The following CTNNA2 variants were observed in gnomAD, a reference collection of about 807,000 sequenced individuals.
CTNNA2 encodes the protein catenin alpha 2.
In CTNNA2, 42 loss-of-function variants were observed where a neutral mutation model predicts 101.0. The ratio of observed to expected loss-of-function variants is 0.42; its 90% CI spans 0.32 to 0.54. The LOEUF (loss-of-function observed/expected upper bound fraction) is 0.54. Among genes scored for constraint, CTNNA2 ranks in the 20% least tolerant of loss-of-function variants. CTNNA2 has a pLI of 0.14. For missense variants in CTNNA2, 871 were observed against 1,223.1 expected (o/e 0.71, Z 4.29); for synonymous variants, 450 against 456.4 (o/e 0.99, Z 0.18).
chr2:80,214,439 C>G (rs1708118026), intron 7 of CTNNA2, among the ~76,000 whole-genome samples: 1 of 152,150 alleles, frequency 6.6e-6, no homozygotes, highest in Non-Finnish European at 1.5e-5. Context: ...ATTTGCTTGT[C>G]TGTAAAGGAT....
chr2:80,169,547 C>T (rs1371869206), intron 7 of CTNNA2, among the ~76,000 whole-genome samples: 1 of 152,150 alleles, frequency 6.6e-6, no homozygotes, highest in African/African-American at 2.4e-5. Flanking sequence ...TTGCTGAGCT[C>T]TGGAAATGTC....
At chr2:79,850,751 A>G (rs1680640205) in intron 3 of CTNNA2, among the ~76,000 whole-genome samples, 1 of 152,202 alleles carries the variant, frequency 6.6e-6, no homozygotes, top group South Asian at 2.1e-4. Context: ...GGTGACAATG[A>G]GAACACTTCC....
chr2:80,431,338 T>C (rs1161883049), intron 9 of CTNNA2, among the ~76,000 whole-genome samples: 1 of 152,190 alleles, frequency 6.6e-6, no homozygotes, highest in Non-Finnish European at 1.5e-5. Flanking sequence ...GTTTCTTTGA[T>C]GTGTAATGAT....
chr2:79,470,539 T>G (rs1294710940), intron 4 of CTNNA2, among the ~76,000 whole-genome samples: 1 of 152,302 alleles, frequency 6.6e-6, no homozygotes, highest in Non-Finnish European at 1.5e-5. Context: ...ATGAGAGACT[T>G]CACTTTAGGA....
At chr2:79,491,252 A>C (rs1413301794) in intron 4 of CTNNA2, among the ~76,000 whole-genome samples, 1 of 152,160 alleles carries the variant, frequency 6.6e-6, no homozygotes, top group Non-Finnish European at 1.5e-5. Context: ...GCCCATCACA[A>C]AATGACTAAA....
At chr2:79,226,102 CAT>C (rs1674405646) in intron 2 of CTNNA2, among the ~76,000 whole-genome samples, 1 of 152,170 alleles carries the variant, frequency 6.6e-6, no homozygotes, top group African/African-American at 2.4e-5. Flanking sequence ...GCTCTCTACA[CAT>C]GTGGAGCCAG....
At chr2:79,763,126 C>T (rs114420893) in intron 3 of CTNNA2, among the ~76,000 whole-genome samples, 3,258 of 152,098 alleles carry the variant, frequency 0.021, 92 homozygotes, top group African/African-American at 0.073. Context: ...TTTGGCTCTC[C>T]CCTTTTATCT....
In CTNNA2 at chr2:80,424,048, C is replaced by T. The variant is rs191165096; in HGVS notation, c.1290+4447C>T. On this transcript the variant is annotated intron_variant, in intron 9 of 18. Transcript: ENST00000402739. ...TCTGCTCACTGCAACCTCCACCTCC[C>T]GGGTTCCAGCAATTCTCCTGCCTCA... 2.6e-4 allele frequency among the ~76,000 whole-genome samples: 39 copies of T among 152,196 alleles called. 1 individual carries two copies. In the East Asian group the frequency reaches 6.4e-3, roughly 25 times the overall value.
rs145322522 is a variant in CTNNA2 at position 79,376,304 on chromosome 2, A to G, written c.-135+2291A>G. On this transcript the variant is annotated intron_variant, in intron 4 of 21. Coordinates refer to the CTNNA2 transcript ENST00000466387. The stretch of plus-strand genomic sequence containing the variant: ...AAACAGCAACGGTGGGCTGTCCCCA[A>G]ACTGCTTGTGTTCCAACTGATTTCC... 8.6e-3 allele frequency among the ~76,000 whole-genome samples: 1,315 copies of G among 152,206 alleles called. 11 individuals carry two copies. Among genetic ancestry groups the G allele is most frequent in the African/African-American group, 0.03 (1,252 of 41,526 alleles).
At chr2:79,784,272 C>T (rs1376314511) in intron 3 of CTNNA2, among the ~76,000 whole-genome samples, 2 of 151,954 alleles carry the variant, frequency 1.3e-5, no homozygotes, top group Non-Finnish European at 2.9e-5. Flanking sequence ...TATTCAAATG[C>T]CTCTAAGTTA....
chr2:79,234,319 G>C (rs1432516321), intron 2 of CTNNA2, among the ~76,000 whole-genome samples: 4 of 152,062 alleles, frequency 2.6e-5, no homozygotes, highest in Non-Finnish European at 5.9e-5. Context: ...AGGTATGATA[G>C]TCTTGGTTGA....
intron 8 of CTNNA2, among the ~76,000 whole-genome samples, chr2:80,409,573 T>G (rs966497635): frequency 6.6e-6 from 1 of 152,150 alleles, no homozygotes; most frequent in African/African-American, 2.4e-5. Context: ...AAACAGTGCT[T>G]CATCTACCAA....
rs1031130543 is a variant in CTNNA2, at chr2:79,914,039, C to T, written c.1056+4242C>T. On this transcript the variant is annotated intron_variant, in intron 7 of 18. Transcript: ENST00000402739. ...AAAATTAGCCGGGCGTAGTGGCGGG[C>T]GCCTGTGGTCCCAGCTACTCGGGAG... Among the ~76,000 whole-genome samples, 65 of 150,220 alleles carry T rather than the reference C, an allele frequency of 4.3e-4. 1 individual carries two copies. Among genetic ancestry groups the T allele is most frequent in the Non-Finnish European group, 8.3e-4 (56 of 67,332 alleles).
intron 7 of CTNNA2, among the ~76,000 whole-genome samples, chr2:80,392,546 T>A (rs1464002685): frequency 6.6e-6 from 1 of 152,172 alleles, no homozygotes; most frequent in Non-Finnish European, 1.5e-5. Flanking sequence ...CTAGTGAAAC[T>A]TCCAAGTGAA....
intron 9 of CTNNA2, among the ~76,000 whole-genome samples, chr2:80,523,584 C>A (rs1300484685): frequency 6.6e-6 from 1 of 152,138 alleles, no homozygotes; most frequent in Admixed American, 6.5e-5. Flanking sequence ...CTATTGCAGT[C>A]CTGAGTGAAT....
At chr2:79,375,465 T>C (rs1357198049) in intron 4 of CTNNA2, among the ~76,000 whole-genome samples, 1 of 152,202 alleles carries the variant, frequency 6.6e-6, no homozygotes, top group Non-Finnish European at 1.5e-5. Flanking sequence ...TCAAAGATCA[T>C]GCATTAATTG....
chr2:79,658,289 TA>T (rs1307148186), intron 2 of CTNNA2, among the ~76,000 whole-genome samples: 4 of 151,958 alleles, frequency 2.6e-5, no homozygotes, highest in Non-Finnish European at 4.4e-5. Flanking sequence ...TCCTTAAATG[TA>T]AAATATAGAT....
At chr2:80,611,589 G>T (rs1406172983) in intron 17 of CTNNA2, among the ~76,000 whole-genome samples, 2 of 151,244 alleles carry the variant, frequency 1.3e-5, no homozygotes, top group Non-Finnish European at 3.0e-5. Flanking sequence ...GGTTTCACAG[G>T]GTTTAATCAG....
At chr2:80,453,905 G>C (rs560845720) in intron 9 of CTNNA2, among the ~76,000 whole-genome samples, 1 of 152,186 alleles carries the variant, frequency 6.6e-6, no homozygotes, top group South Asian at 2.1e-4. Flanking sequence ...ATTACCAGCT[G>C]TCCTAGCTGC....
Sources: allele counts gnomAD v4.1 joint callset (sites outside exome capture counted in the v4.1 genomes callset), GRCh38; gene constraint gnomAD v4.1.1; transcripts MANE v1.5; gene names NCBI Gene and HGNC (gene_info 2026-07-23, HGNC 2026-07-21).